SLC5A4: variants seen among roughly 807,000 people sequenced by gnomAD.
SLC5A4 encodes the protein solute carrier family 5 member 4, also known as probable glucose sensor protein SLC5A4.
SLC5A4 carries 55 observed loss-of-function variants against 70.3 expected under a neutral mutation model. The ratio of observed to expected loss-of-function variants is 0.78; its 90% CI spans 0.63 to 0.98. The LOEUF is 0.98. Ranked by LOEUF, SLC5A4 falls within the 50% of genes least tolerant of loss-of-function variation. The probability of loss-of-function intolerance (pLI) is 0.00; values close to 1 mark genes in which losing one functional copy is unlikely to be tolerated. For synonymous variants in SLC5A4, 268 were observed against 305.7 expected (o/e 0.88, Z 1.29); for missense variants, 735 against 839.2 (o/e 0.88, Z 1.53).
intron 10 of SLC5A4, among the ~76,000 whole-genome samples, chr22:32,230,003 C>T (rs1319760077): frequency 2.6e-5 from 4 of 152,112 alleles, no homozygotes; most frequent in East Asian, 1.9e-4. Flanking sequence ...GTCCAGTAGG[C>T]GGTTCTGCTA....
chr22:32,237,558 T>C (rs1926135696), intron 6 of SLC5A4, among the ~76,000 whole-genome samples: 1 of 152,206 alleles, frequency 6.6e-6, no homozygotes, highest in Admixed American at 6.5e-5. Flanking sequence ...TGAAGTTTCA[T>C]CTTTGTGTGA....
the SLC5A4 span, among the ~76,000 whole-genome samples, chr22:32,316,172 T>C: frequency 1.3e-5 from 2 of 151,544 alleles, no homozygotes; most frequent in Non-Finnish European, 2.9e-5. Context: ...ATGGTGATGG[T>C]TGCACTACAG....
the SLC5A4 span, among the ~76,000 whole-genome samples, chr22:32,310,651 C>G: frequency 2.6e-5 from 4 of 152,212 alleles, no homozygotes; most frequent in Non-Finnish European, 5.9e-5. Flanking sequence ...CTGGAGGAGA[C>G]AGCTGGACCC....
At chr22:32,299,886 A>T in the SLC5A4 span, among the ~76,000 whole-genome samples, 1 of 116,604 alleles carries the variant, frequency 8.6e-6, no homozygotes, top group Non-Finnish European at 1.9e-5. Flanking sequence ...GAGGACCCTC[A>T]GCTGTAGGTC....
rs569062769 is a variant in SLC5A4, at chr22:32,235,989, AG to A, written c.665-897del. ...AATATGGTTTGCAACAAAAATACAT[AG>A]GAGACCCTAAGAGATGAGAGTCCCC... On this transcript the variant is annotated intron_variant, in intron 7 of 14. Transcript: ENST00000266086. Among the ~76,000 whole-genome samples the A allele has an allele frequency of 5.4e-4, 83 of 152,322 alleles. No homozygotes were observed. The South Asian group carries it at 0.017, about 30-fold the overall frequency.
the SLC5A4 span, among the ~76,000 whole-genome samples, chr22:32,338,326 G>GA: frequency 0.043 from 6,567 of 152,260 alleles, 411 homozygotes; most frequent in African/African-American, 0.14. Flanking sequence ...GTTAACAAAT[G>GA]AAAGTGGTTT....
At chr22:32,271,423 A>T in the SLC5A4 span, 1 of 773,846 alleles carries the variant, frequency 1.3e-6, no homozygotes, top group Non-Finnish European at 2.3e-6. Context: ...CTGCTTATCT[A>T]CAAGGCCTTC....
intron 3 of SLC5A4, among the ~76,000 whole-genome samples, chr22:32,251,112 T>C (rs141740575): frequency 0.016 from 1,478 of 93,148 alleles, 26 homozygotes; most frequent in African/African-American, 0.06. Flanking sequence ...ATCCCAGAAC[T>C]TAAAATTGAC....
the SLC5A4 span, among the ~76,000 whole-genome samples, chr22:32,293,494 G>A: frequency 3.9e-5 from 6 of 151,976 alleles, no homozygotes; most frequent in African/African-American, 1.2e-4. Flanking sequence ...AAATGCATCC[G>A]TAACATAATA....
chr22:32,345,894 T>A, the SLC5A4 span, among the ~76,000 whole-genome samples: 1 of 152,226 alleles, frequency 6.6e-6, no homozygotes, highest in East Asian at 1.9e-4. Context: ...CAGAGGTTAT[T>A]TAAAGCAATC....
At chr22:32,259,013 C>T (rs2145715876), upstream of SLC5A4, among the ~76,000 whole-genome samples, 1 of 152,272 alleles carries the variant, frequency 6.6e-6, no homozygotes, top group South Asian at 2.1e-4. Flanking sequence ...TGAGGTACCC[C>T]AAATGGTCAA....
intron 11 of SLC5A4, among the ~76,000 whole-genome samples, chr22:32,227,261 A>C (rs1925459827): frequency 6.6e-6 from 1 of 152,160 alleles, no homozygotes; most frequent in Non-Finnish European, 1.5e-5. Flanking sequence ...CTTAAGGAGG[A>C]TGTGTGTCCA....
At chr22:32,302,104 C>T in the SLC5A4 span, among the ~76,000 whole-genome samples, 2 of 152,128 alleles carry the variant, frequency 1.3e-5, no homozygotes, top group African/African-American at 4.8e-5. Flanking sequence ...AAACCAAAGG[C>T]ACAAGCAACA....
At chr22:32,352,568 G>A in the SLC5A4 span, among the ~76,000 whole-genome samples, 1 of 152,086 alleles carries the variant, frequency 6.6e-6, no homozygotes, top group African/African-American at 2.4e-5. Context: ...AGGAGATGCG[G>A]GGAAGACTCC....
rs375810217 is a variant in SLC5A4 at position 32,231,109 on chromosome 22, C to A, written c.1022-34G>T. 8 of 1,285,384 alleles carry A rather than the reference C, an allele frequency of 6.2e-6. No homozygotes were observed. In the African/African-American group the frequency reaches 1.2e-4, roughly 19 times the overall value. The allele number at this position is 1,285,384 out of a possible 1,614,324, so 79.6% of individuals were successfully genotyped here. A position where few individuals can be genotyped will look rare whatever the true frequency, so the allele number is the denominator to read the frequency against. ...GAATTCAGAAGTGAGTCCAATGAGGCCCAAATAGGCAAAACCAACAACCAT... is the reference window on the plus strand; with the variant it reads ...GAATTCAGAAGTGAGTCCAATGAGGACCAAATAGGCAAAACCAACAACCAT... On this transcript the variant is annotated intron_variant, in intron 9 of 14. Coordinates refer to ENST00000266086, the MANE Select transcript of SLC5A4 (RefSeq NM_014227.3).
At chr22:32,307,500 G>A in the SLC5A4 span, among the ~76,000 whole-genome samples, 1 of 152,240 alleles carries the variant, frequency 6.6e-6, no homozygotes, top group Non-Finnish European at 1.5e-5. Flanking sequence ...TACAGGGCCA[G>A]GCAAGTGGCA....
At chr22:32,257,495 C>G (rs752411462), upstream of SLC5A4, among the ~76,000 whole-genome samples, 6 of 152,006 alleles carry the variant, frequency 3.9e-5, no homozygotes, top group Admixed American at 6.5e-5. Context: ...GCTGGGACCA[C>G]AGGCACATGC....
intron 8 of SLC5A4, 65 bp from the exon 9 acceptor site, chr22:32,233,099 C>T (rs1925859138): frequency 6.5e-7 from 1 of 1,549,538 alleles, no homozygotes; most frequent in Admixed American, 1.8e-5. Flanking sequence ...CAGTCAGCGT[C>T]CCTTTCCAGA....
At chr22:32,247,353 C>T in intron 5 of SLC5A4, 58 bp downstream of exon 5, 2 of 978,416 alleles carry the variant, frequency 2.0e-6, no homozygotes, top group East Asian at 2.4e-5. Flanking sequence ...GATATTAGCA[C>T]TCTGGCCCCA....
Sources: gnomAD v4.1 joint callset for allele counts (sites outside exome capture counted in the v4.1 genomes callset) on GRCh38, gnomAD v4.1.1 for gene constraint, MANE v1.5 for transcripts, NCBI Gene and HGNC (gene_info 2026-07-23, HGNC 2026-07-21) for gene names.